GABRG3: variants seen among roughly 807,000 people sequenced by gnomAD.
GABRG3 encodes the protein gamma-aminobutyric acid receptor subunit gamma-3.
In GABRG3, 25 loss-of-function variants were observed where a neutral mutation model predicts 48.8. The observed-to-expected ratio is 0.51, with a 90% CI of 0.37 to 0.72. The LOEUF (loss-of-function observed/expected upper bound fraction) is 0.72. Among genes scored for constraint, GABRG3 ranks in the 30% least tolerant of loss-of-function variants. The pLI is 0.00. For missense variants in GABRG3, 394 were observed against 577.9 expected (o/e 0.68, Z 3.26); for synonymous variants, 227 against 217.6 (o/e 1.04, Z -0.38).
intron 3 of GABRG3, among the ~76,000 whole-genome samples, chr15:27,195,070 T>A: frequency 6.6e-6 from 1 of 152,256 alleles, no homozygotes; most frequent in East Asian, 1.9e-4. Flanking sequence ...AGTGAGTTTT[T>A]AAAAATTGTG....
At position 26,976,828 on chromosome 15, in the gene GABRG3, G is replaced by A. The variant is rs779467220; in HGVS notation, c.54-174G>A. On this transcript the variant is annotated intron_variant, in intron 1 of 9. Transcript: ENST00000615808. This position sits in a 1 kb window ranked among gnomAD's most constrained non-coding sequence, Gnocchi z 7.8. ...TAGCATTCTTCCTATGGAATCATTCGTATTTTGTGTTTCTTTCTTTTTAGA... is the reference window on the plus strand; with the variant it reads ...TAGCATTCTTCCTATGGAATCATTCATATTTTGTGTTTCTTTCTTTTTAGA... 2.6e-5 allele frequency among the ~76,000 whole-genome samples: 4 copies of A among 152,082 alleles called. No individual in the cohort carries two copies. Among genetic ancestry groups the A allele is most frequent in the South Asian group, 2.1e-4 (1 of 4,830 alleles).
chr15:27,336,213 AGAGAGAG>A (rs1893963467), intron 5 of GABRG3, among the ~76,000 whole-genome samples: 1 of 109,568 alleles, frequency 9.1e-6, no homozygotes, highest in African/African-American at 5.9e-5. Flanking sequence ...AAAGAAAGAG[AGAGAGAG>A]AGAGAGAGAG....
intron 3 of GABRG3, among the ~76,000 whole-genome samples, chr15:27,136,855 T>C (rs1898017320): frequency 6.6e-6 from 1 of 152,108 alleles, no homozygotes; most frequent in Non-Finnish European, 1.5e-5. Flanking sequence ...ATTTCTCCGA[T>C]GACTGCTACA....
At chr15:27,520,426 A>T (rs562265503) in intron 7 of GABRG3, among the ~76,000 whole-genome samples, 1 of 151,690 alleles carries the variant, frequency 6.6e-6, no homozygotes, top group African/African-American at 2.4e-5. Flanking sequence ...GAACCTGTCA[A>T]CTCAAAAGTC....
chr15:27,223,923 G>A (rs1477226151), intron 3 of GABRG3, among the ~76,000 whole-genome samples: 5 of 152,194 alleles, frequency 3.3e-5, no homozygotes, highest in Non-Finnish European at 5.9e-5. Context: ...TTCAGAACCT[G>A]TCTGGGTGTA....
At chr15:27,292,681 A>C (rs1174953056) in intron 3 of GABRG3, among the ~76,000 whole-genome samples, 1 of 152,192 alleles carries the variant, frequency 6.6e-6, no homozygotes, top group Non-Finnish European at 1.5e-5. Context: ...AACAAAAAAT[A>C]ATAATAATTC....
chr15:27,173,700 G>A (rs1459364817), intron 3 of GABRG3, among the ~76,000 whole-genome samples: 4 of 136,980 alleles, frequency 2.9e-5, no homozygotes, highest in Non-Finnish European at 6.1e-5. Flanking sequence ...AGATACTATC[G>A]CTGCCAAAAA....
chr15:27,416,145 G>T (rs1438248996), intron 5 of GABRG3, among the ~76,000 whole-genome samples: 1 of 152,196 alleles, frequency 6.6e-6, no homozygotes, highest in African/African-American at 2.4e-5. Context: ...ATGTCAAACT[G>T]TGCCTATTAG....
intron 6 of GABRG3, among the ~76,000 whole-genome samples, chr15:27,500,360 G>C (rs1490117825): frequency 6.6e-6 from 1 of 152,122 alleles, no homozygotes; most frequent in Non-Finnish European, 1.5e-5. Flanking sequence ...AGAAGGGGAG[G>C]AGAACCGCCC....
chr15:27,088,197 C>G (rs934378413), intron 3 of GABRG3, among the ~76,000 whole-genome samples: 1 of 136,154 alleles, frequency 7.3e-6, no homozygotes, highest in Non-Finnish European at 1.6e-5. Flanking sequence ...GCCTTGCAGG[C>G]GGGCTCACGT....
intron 6 of GABRG3, among the ~76,000 whole-genome samples, chr15:27,482,552 C>T (rs1484085045): frequency 6.6e-6 from 1 of 152,202 alleles, no homozygotes; most frequent in Non-Finnish European, 1.5e-5. Flanking sequence ...GATAAATGCC[C>T]TTTTATAGGC....
chr15:27,309,902 C>A (rs1892937710), intron 3 of GABRG3, among the ~76,000 whole-genome samples: 1 of 151,980 alleles, frequency 6.6e-6, no homozygotes, highest in African/African-American at 2.4e-5. Context: ...GTGCTAAAAC[C>A]TGAATACCAC....
rs182189979 is a variant in GABRG3, at chr15:27,198,545, G to A, written c.271-128264G>A. ...AAATAGGAATGCTTTTACACTGTTGGTGGGAGTGTAAATTAGTTCAACCAT... is the reference window on the plus strand; with the variant it reads ...AAATAGGAATGCTTTTACACTGTTGATGGGAGTGTAAATTAGTTCAACCAT... On this transcript the variant is annotated intron_variant, in intron 3 of 9. Coordinates refer to ENST00000615808, the MANE Select transcript of GABRG3 (RefSeq NM_033223.5). Among the ~76,000 whole-genome samples, 3 of 152,338 alleles carry A rather than the reference G, an allele frequency of 2.0e-5. No homozygotes were observed. In the East Asian group the frequency reaches 5.8e-4, roughly 29 times the overall value.
intron 5 of GABRG3, among the ~76,000 whole-genome samples, chr15:27,342,429 C>T (rs1406200839): frequency 4.6e-5 from 7 of 152,198 alleles, no homozygotes; most frequent in Non-Finnish European, 1.0e-4. Context: ...CACATCACCC[C>T]TCCACAGCGT....
intron 5 of GABRG3, among the ~76,000 whole-genome samples, chr15:27,357,408 T>G (rs1894877387): frequency 1.3e-5 from 2 of 152,248 alleles, no homozygotes; most frequent in Admixed American, 1.3e-4. Flanking sequence ...ACAAGGCTCT[T>G]AAACATTATT....
In GABRG3 at chr15:27,473,657, T is replaced by C. The variant is rs554244743; in HGVS notation, c.575-6993T>C. Among the ~76,000 whole-genome samples, 14 of 152,332 alleles carry C rather than the reference T, an allele frequency of 9.2e-5. No individual in the cohort carries two copies. In the South Asian group the frequency reaches 1.9e-3, roughly 20 times the overall value. ...GAAAAAAGAAGTGGCTTTCATATTT[T>C]TATCATAGGTTGATAAGTCAGGTAA... is the stretch of plus-strand genomic sequence containing the variant. On this transcript the variant is annotated intron_variant, in intron 5 of 9. Transcript: ENST00000615808.
chr15:26,974,450 A>G lies in GABRG3; in HGVS notation c.54-2552A>G, dbSNP rs1894900041. ...TTGTGTGTATGTGATTATCAGGGCC[A>G]TAGACAATAACACAGGGTGGAGGCT... On this transcript the variant is annotated intron_variant, in intron 1 of 9. Transcript: ENST00000615808. This position sits in a 1 kb window ranked among gnomAD's most constrained non-coding sequence, Gnocchi z 4.3. Among the ~76,000 whole-genome samples the G allele has an allele frequency of 6.6e-6, 1 of 152,106 alleles. No individual in the cohort carries two copies.
At chr15:27,467,458 G>A (rs866357111) in intron 5 of GABRG3, among the ~76,000 whole-genome samples, 1 of 152,214 alleles carries the variant, frequency 6.6e-6, no homozygotes, top group Non-Finnish European at 1.5e-5. Context: ...CAGACAGGAG[G>A]TCTGAGATCT....
intron 1 of GABRG3, among the ~76,000 whole-genome samples, chr15:26,972,310 CG>C (rs1300890339): frequency 6.6e-6 from 1 of 152,130 alleles, no homozygotes; most frequent in Non-Finnish European, 1.5e-5. Context: ...GTACACCAAC[CG>C]GCTAATGGGA....
Sources: gnomAD v4.1 joint callset for allele counts (sites outside exome capture counted in the v4.1 genomes callset) on GRCh38, gnomAD v4.1.1 for gene constraint, Gnocchi (gnomAD v3.1) non-coding constraint, MANE v1.5 for transcripts, NCBI Gene and HGNC (gene_info 2026-07-23, HGNC 2026-07-21) for gene names.